The following TTC24 variants were observed in gnomAD, a reference collection of about 807,000 sequenced individuals.
The protein encoded by TTC24 is tetratricopeptide repeat domain 24, also known as tetratricopeptide repeat protein 24.
TTC24 carries 54 observed loss-of-function variants against 63.3 expected under a neutral mutation model. The observed-to-expected ratio is 0.85, with a 90% CI of 0.69 to 1.07. The LOEUF is 1.07. Among genes scored for constraint, TTC24 ranks in the 50% least tolerant of loss-of-function variants. The pLI is 0.00. For missense variants in TTC24, 680 were observed against 730.5 expected (o/e 0.93, Z 0.80); for synonymous variants, 276 against 304.3 (o/e 0.91, Z 0.97).
chr1:156,581,428 A>T lies in TTC24; in HGVS notation c.64A>T (p.Lys22Ter). The change falls in exon 2 of 11, where the codon AAG (lysine) becomes TAG (stop). Residue 22 changes from lysine (K) to a stop codon, truncating the protein, a stop_gained. Coordinates refer to ENST00000368236, the MANE Select transcript of TTC24 (RefSeq NM_001105669.4). LOFTEE classifies it high-confidence loss of function. ...RPEPEPSSSN[K>*]KKKKRKWLRQ... Reference sequence around the variant, plus strand: ...AGAACCTGAGCCCTCAAGCTCCAATAAGAAAAAGAAGAAAAGAAAGTGGCT... The same window carrying T: ...AGAACCTGAGCCCTCAAGCTCCAATTAGAAAAAGAAGAAAAGAAAGTGGCT... The T allele has an allele frequency of 6.5e-7, 1 of 1,547,726 alleles. No individual in the cohort carries two copies. The highest frequency in any genetic ancestry group is 8.7e-7 in the Non-Finnish European group (1 of 1,145,350).
At chr1:156,586,112 T>C in intron 10 of TTC24, 67 bp downstream of exon 10, 2 of 1,158,992 alleles carry the variant, frequency 1.7e-6, no homozygotes, top group African/African-American at 3.1e-5. Flanking sequence ...TGGCTTGGGA[T>C]GATTTTAATG....
rs550992565 is a variant in TTC24, at chr1:156,582,830, T to C, written c.911-212T>C. ...TTGCCTGCATCACAGGGTTGTTGCC[T>C]GACTCAAACTAGCCAGGTGGAGGCA... On this transcript the variant is annotated intron_variant, in intron 3 of 10. Coordinates refer to ENST00000368236, the MANE Select transcript of TTC24 (RefSeq NM_001105669.4). 2.0e-5 allele frequency among the ~76,000 whole-genome samples: 3 copies of C among 152,350 alleles called. No individual in the cohort carries two copies. In the South Asian group the frequency reaches 6.2e-4, roughly 32 times the overall value.
chr1:156,581,253 C>G (rs776888686), intron 1 of TTC24, 108 bp from the exon 2 acceptor site: 1 of 753,812 alleles, frequency 1.3e-6, no homozygotes, highest in Non-Finnish European at 2.1e-6. Context: ...TCCTTGAAAC[C>G]CTGAGGGTCA....
In TTC24 at chr1:156,582,361, C is replaced by T. The variant is rs765319707; in HGVS notation, c.837C>T (p.Leu279=). Residue 279 remains leucine (L), a synonymous_variant, in exon 3 of 11, where the codon CTC becomes CTT. Coordinates refer to ENST00000368236, the MANE Select transcript of TTC24 (RefSeq NM_001105669.4). The part of the protein sequence containing the change: ...PGEQATVLRN[L]GMAHNALGNY... The stretch of plus-strand genomic sequence containing the variant: ...AGCAGGCCACAGTGCTAAGAAACCT[C>T]GGGATGGCCCACAATGCCCTCGGCA... 21 of 1,612,822 alleles carry T rather than the reference C, an allele frequency of 1.3e-5. No homozygotes were observed. The highest frequency in any genetic ancestry group is 1.1e-4 in the South Asian group (10 of 90,744).
Position 156,581,837 on chromosome 1 carries a change from C to A in TTC24, c.473C>A (p.Ala158Glu), listed in dbSNP as rs1344670729. 3 of 1,548,968 alleles carry A rather than the reference C, an allele frequency of 1.9e-6. No individual in the cohort carries two copies. The highest frequency in any genetic ancestry group is 2.4e-5 in the South Asian group (2 of 83,764). ...CAGGGTGACCAGGGAGAAGCCTGGG[C>A]AAAAATGGGAGCCTGCTACCAGGCT... ...QPQGDQGEAW[A>E]KMGACYQALG... Residue 158 changes from alanine to glutamate, a missense_variant, in exon 2 of 11, where the codon GCA becomes GAA. Transcript: ENST00000368236.
Position 156,585,744 on chromosome 1 carries a change from G to A in TTC24, c.1488G>A (p.Ser496=), listed in dbSNP as rs368947270. 9.2e-5 allele frequency: 149 copies of A among 1,613,674 alleles called. No homozygotes were observed. Among genetic ancestry groups the A allele is most frequent in the Non-Finnish European group, 1.2e-4 (138 of 1,179,808 alleles). ...LCFLPGTVNH[S]HHLASSCPTF... Reference sequence around the variant, plus strand: ...TCCTTCCAGGCACAGTGAATCATTCGCACCATCTAGCTTCTAGTTGCCCCA... The same window carrying A: ...TCCTTCCAGGCACAGTGAATCATTCACACCATCTAGCTTCTAGTTGCCCCA... The change falls in exon 9 of 11, where the codon TCG becomes TCA. Residue 496 remains serine (S), a synonymous_variant. Transcript: ENST00000368236.
chr1:156,580,950 T>C (rs1676973739), intron 1 of TTC24, among the ~76,000 whole-genome samples: 1 of 152,220 alleles, frequency 6.6e-6, no homozygotes, highest in African/African-American at 2.4e-5. Flanking sequence ...TAAACATTTA[T>C]TGAGAATCTA....
In TTC24 at chr1:156,581,632, G is replaced by A. The variant is rs935733043; in HGVS notation, c.268G>A (p.Val90Met). 1.3e-6 allele frequency: 2 copies of A among 1,551,644 alleles called. No individual in the cohort carries two copies. Among genetic ancestry groups the A allele is most frequent in the African/African-American group, 2.7e-5 (2 of 73,062 alleles). ...CGCCTTCAACCTGGGGGCTGCCTAT[G>A]TGGAGACTGGGGACCCAGCCAGAGG... ...ACAFNLGAAYVETGDPARGLE... is the reference protein window; with the variant it reads ...ACAFNLGAAYMETGDPARGLE... The change falls in exon 2 of 11, where the codon GTG (valine) becomes ATG (methionine). Residue 90 changes from valine (V) to methionine (M), a missense_variant. Physicochemically the swap from Val to Met is conservative, Grantham distance 21. Transcript: ENST00000368236.
chr1:156,580,522 G>T (rs1286525498), intron 1 of TTC24, among the ~76,000 whole-genome samples: 1 of 152,070 alleles, frequency 6.6e-6, no homozygotes, highest in Non-Finnish European at 1.5e-5. Flanking sequence ...CTGTCACCCA[G>T]GCTGGAGTGC....
At chr1:156,585,677 T>G in intron 8 of TTC24, 36 bp from the exon 9 acceptor site, 13 of 1,465,552 alleles carry the variant, frequency 8.9e-6, no homozygotes, top group South Asian at 1.1e-5. Context: ...TGCTACTTGT[T>G]GAGCTGACCT....
At position 156,583,688 on chromosome 1, in the gene TTC24, A is replaced by G; in HGVS notation, c.1153-109A>G. ...ATGGGGATGGGGTAGAAGAGAGGGG[A>G]AACAAAGCCCCCCTCCCCCCTCCCT... On this transcript the variant is annotated intron_variant, in intron 5 of 10. Transcript: ENST00000368236. The surrounding 1 kb of genome is among the most constrained non-coding windows in gnomAD (Gnocchi z 4.0). 9.4e-7 allele frequency: 1 copy of G among 1,065,656 alleles called. No individual in the cohort carries two copies. The highest frequency in any genetic ancestry group is 1.4e-6 in the Non-Finnish European group (1 of 716,266). 66.0% of individuals were successfully genotyped at this position (1,065,656 alleles called of 1,614,324 possible).
chr1:156,585,455 C>T (rs1243028119), intron 8 of TTC24: 26 of 600,040 alleles, frequency 4.3e-5, no homozygotes, highest in Non-Finnish European at 7.4e-5. Flanking sequence ...CTCTCAAGGC[C>T]CTGGACCATT....
rs1677208486 is a variant in TTC24 at position 156,587,538 on chromosome 1, T to C, written c.*988T>C. Among the ~76,000 whole-genome samples the C allele has an allele frequency of 6.6e-6, 1 of 152,198 alleles. No individual in the cohort carries two copies. The highest frequency in any genetic ancestry group is 6.5e-5 in the Admixed American group (1 of 15,272). On this transcript the variant is annotated 3_prime_UTR_variant, in exon 11 of 11. Coordinates refer to ENST00000368236, the MANE Select transcript of TTC24 (RefSeq NM_001105669.4). The stretch of plus-strand genomic sequence containing the variant: ...TAATTCATAATGTAATTAAATACTA[T>C]ACACATTGATGAACAGGCCAGGTGA...
In TTC24 at chr1:156,581,755, G is replaced by A. The variant is rs1340107670; in HGVS notation, c.391G>A (p.Gly131Ser). The stretch of plus-strand genomic sequence containing the variant: ...TGTGGCTTTGGCCTACCATGCCCTC[G>A]GCGAGCTGCCTCAAGCTTTGGCCTG... Reference protein sequence around the residue: ...FNVALAYHALGELPQALAWYH... With the variant: ...FNVALAYHALSELPQALAWYH... Residue 131 changes from glycine to serine, a missense_variant, in exon 2 of 11, where the codon GGC (glycine) becomes AGC (serine). Physicochemically the swap from Gly to Ser is moderately conservative, Grantham distance 56. Transcript: ENST00000368236. The A allele has an allele frequency of 6.4e-6, 10 of 1,551,684 alleles. No individual in the cohort carries two copies. Among genetic ancestry groups the A allele is most frequent in the Middle Eastern group, 1.7e-4 (1 of 5,992 alleles).
intron 1 of TTC24, among the ~76,000 whole-genome samples, chr1:156,580,836 A>G (rs1000164853): frequency 4.6e-5 from 7 of 152,104 alleles, no homozygotes; most frequent in Non-Finnish European, 8.8e-5. Context: ...ACAATTTACC[A>G]TTTTAACCAT....
In TTC24 at chr1:156,582,362, G is replaced by T; in HGVS notation, c.838G>T (p.Gly280Trp). ...GCAGGCCACAGTGCTAAGAAACCTC[G>T]GGATGGCCCACAATGCCCTCGGCAA... ...GEQATVLRNL[G>W]MAHNALGNYQ... The change falls in exon 3 of 11, where the codon GGG becomes TGG. Residue 280 changes from glycine to tryptophan, a missense_variant. By Grantham distance (184) the Gly-to-Trp change is radical. Transcript: ENST00000368236. 1 of 1,613,038 alleles carries T rather than the reference G, an allele frequency of 6.2e-7. No individual in the cohort carries two copies. Among genetic ancestry groups the T allele is most frequent in the Middle Eastern group, 1.6e-4 (1 of 6,062 alleles).
At position 156,582,401 on chromosome 1, in the gene TTC24, C is replaced by G; in HGVS notation, c.877C>G (p.Arg293Gly). 1 of 1,613,816 alleles carries G rather than the reference C, an allele frequency of 6.2e-7. No individual in the cohort carries two copies. Among genetic ancestry groups the G allele is most frequent in the Middle Eastern group, 1.7e-4 (1 of 6,060 alleles). ...TGCCCTCGGCAACTATCAGGAAGCT[C>G]GGGAGTTTCACCAGAAGGCTGCTGA... ...HNALGNYQEA[R>G]EFHQKAADLH... Residue 293 changes from arginine to glycine, a missense_variant, in exon 3 of 11, where the codon CGG becomes GGG. Transcript: ENST00000368236.
At chr1:156,580,799 C>T (rs749329496) in intron 1 of TTC24, among the ~76,000 whole-genome samples, 1 of 152,110 alleles carries the variant, frequency 6.6e-6, no homozygotes, top group East Asian at 1.9e-4. Context: ...CAAAAACACT[C>T]GTATGGTGGT....
At position 156,587,152 on chromosome 1, in the gene TTC24, G is replaced by T. The variant is rs1677198274; in HGVS notation, c.*602G>T. On this transcript the variant is annotated 3_prime_UTR_variant, in exon 11 of 11. Coordinates refer to ENST00000368236, the MANE Select transcript of TTC24 (RefSeq NM_001105669.4). ...GCTCAGGCCCCACCCTATTCTAGGT[G>T]CTTAGCTCAGGCCCCACCCTATTCT... 6.7e-6 allele frequency among the ~76,000 whole-genome samples: 1 copy of T among 150,258 alleles called. No individual in the cohort carries two copies. The highest frequency in any genetic ancestry group is 6.6e-5 in the Admixed American group (1 of 15,096).
Sources: gnomAD v4.1 joint callset for allele counts (sites outside exome capture counted in the v4.1 genomes callset) on GRCh38, gnomAD v4.1.1 for gene constraint, Gnocchi (gnomAD v3.1) non-coding constraint, MANE v1.5 for transcripts, NCBI Gene and HGNC (gene_info 2026-07-23, HGNC 2026-07-21) for gene names.